Variants in TJP3 observed in about 807,000 individuals in gnomAD.
TJP3 encodes the protein tight junction protein 3, also known as tight junction protein ZO-3.
A neutral mutation model predicts 104.2 loss-of-function variants in TJP3; 85 were observed. That is an observed-to-expected ratio of 0.82 (90% CI 0.68 to 0.98). The LOEUF is 0.98. Among genes scored for constraint, TJP3 ranks in the 50% least tolerant of loss-of-function variants. The pLI is 0.00. For missense variants in TJP3, 1,367 were observed against 1,322.8 expected, an observed-to-expected ratio of 1.03 and a Z score of -0.52; for synonymous variants, 550 against 550.6, an observed-to-expected ratio of 1.00 and a Z score of 0.02.
rs749057897 is a variant in TJP3 at position 3,730,208 on chromosome 19, T to G, written c.261+78T>G. 1.7e-5 allele frequency: 26 copies of G among 1,550,626 alleles called. No homozygotes were observed. In the African/African-American group the frequency reaches 3.1e-4, roughly 19 times the overall value. ...TGCCGCTGTGGGGGTTGTAAGCTTC[T>G]GAGAGCAAGGAGTCATCTTCTCATC... On this transcript the variant is annotated intron_variant, in intron 4 of 20. Coordinates refer to ENST00000541714, the MANE Select transcript of TJP3 (RefSeq NM_001267560.2). The surrounding 1 kb of genome is among the most constrained non-coding windows in gnomAD (Gnocchi z 7.3).
At chr19:3,741,864 G>T (rs1392346614) in intron 14 of TJP3, among the ~76,000 whole-genome samples, 1 of 151,750 alleles carries the variant, frequency 6.6e-6, no homozygotes, top group Non-Finnish European at 1.5e-5. Context: ...CAGCTACTTG[G>T]GAGGCTGAGG....
At chr19:3,711,956 G>T (rs1442687467) in intron 1 of TJP3, among the ~76,000 whole-genome samples, 1 of 151,620 alleles carries the variant, frequency 6.6e-6, no homozygotes, top group Non-Finnish European at 1.5e-5. Flanking sequence ...AAAGTGCTGG[G>T]ATTTCAAGCG....
At chr19:3,716,089 T>C (rs1359077073) in intron 1 of TJP3, among the ~76,000 whole-genome samples, 1 of 147,886 alleles carries the variant, frequency 6.8e-6, no homozygotes, top group Non-Finnish European at 1.5e-5. Flanking sequence ...TGTTTTATTT[T>C]TGAGATGGAG....
At chr19:3,713,539 C>G (rs1599140701) in intron 1 of TJP3, among the ~76,000 whole-genome samples, 1 of 152,056 alleles carries the variant, frequency 6.6e-6, no homozygotes, top group East Asian at 1.9e-4. Context: ...AAAGGGCCTG[C>G]GGAGAGACGT....
rs375489474 is a variant in TJP3, at chr19:3,731,986, C to T, written c.665C>T (p.Ser222Leu). 1.9e-6 allele frequency: 3 copies of T among 1,613,680 alleles called. No homozygotes were observed. The highest frequency in any genetic ancestry group is 2.5e-6 in the Non-Finnish European group (3 of 1,179,874). ...SQIFIKHITD[S>L]GLAARHRGLQ... is the part of the protein sequence containing the mutation. ...ATCTTCATCAAGCACATTACAGATT[C>T]GGGCCTGGCTGCCCGGCACCGTGGG... The change falls in exon 6 of 21, where the codon TCG becomes TTG. Residue 222 changes from serine (S) to leucine (L), a missense_variant. Coordinates refer to ENST00000541714, the MANE Select transcript of TJP3 (RefSeq NM_001267560.2).
intron 8 of TJP3, 105 bp downstream of exon 8, chr19:3,734,540 G>A (rs2036714908): frequency 7.0e-6 from 7 of 1,006,242 alleles, no homozygotes; most frequent in East Asian, 5.3e-5. Flanking sequence ...CCTTGAGGAC[G>A]CAGTCCTGTA....
rs1349154396 is a variant in TJP3 at position 3,730,122 on chromosome 19, G to A, written c.253G>A (p.Ala85Thr). ...GATACTCAAGACCTGCACCAAGATGGCCAACATCGTGAGTAGGCAGCCCCT... is the reference window on the plus strand; with the variant it reads ...GATACTCAAGACCTGCACCAAGATGACCAACATCGTGAGTAGGCAGCCCCT... ...IQILKTCTKM[A>T]NITVKRPRRI... Residue 85 changes from alanine to threonine, a missense_variant, in exon 4 of 21, where the codon GCC becomes ACC. Ala to Thr is a moderately conservative substitution (Grantham distance 58, BLOSUM62 0). Transcript: ENST00000541714. This position sits in a 1 kb window ranked among gnomAD's most constrained non-coding sequence, Gnocchi z 7.3. 4 of 1,613,960 alleles carry A rather than the reference G, an allele frequency of 2.5e-6. No individual in the cohort carries two copies. The African/African-American group carries it at 5.3e-5, about 22-fold the overall frequency.
At chr19:3,715,761 TA>T (rs1228893335) in intron 1 of TJP3, among the ~76,000 whole-genome samples, 2 of 152,138 alleles carry the variant, frequency 1.3e-5, no homozygotes, top group Non-Finnish European at 1.5e-5. Flanking sequence ...CTTCCAGGTT[TA>T]TTTTTTTATT....
chr19:3,743,812 C>G, intron 14 of TJP3, 127 bp from the exon 15 acceptor site: 1 of 788,718 alleles, frequency 1.3e-6, no homozygotes, highest in South Asian at 1.7e-5. Context: ...TAGTATTTGG[C>G]TGGGTAGCTA....
chr19:3,750,510 C>A, intron 20 of TJP3, 72 bp from the exon 21 acceptor site: 1 of 1,325,464 alleles, frequency 7.5e-7, no homozygotes, highest in Non-Finnish European at 1.1e-6. Context: ...CTAGCACAGC[C>A]AGCCTCAGTT....
At chr19:3,721,509 C>A (rs1448725710) in intron 1 of TJP3, 1 of 168,718 alleles carries the variant, frequency 5.9e-6, no homozygotes, top group African/African-American at 2.4e-5. Context: ...CCGTTCCAAG[C>A]GCGGGGGTTA....
intron 1 of TJP3, among the ~76,000 whole-genome samples, chr19:3,719,330 T>G (rs1383194275): frequency 6.6e-6 from 1 of 152,082 alleles, no homozygotes; most frequent in East Asian, 1.9e-4. Context: ...TTAATGGTGT[T>G]TCTACATTGG....
At chr19:3,716,839 G>C (rs536974123) in intron 1 of TJP3, among the ~76,000 whole-genome samples, 1 of 124,388 alleles carries the variant, frequency 8.0e-6, no homozygotes, top group Non-Finnish European at 1.7e-5. Context: ...TCAGTCTGTC[G>C]CCCAGGTTGG....
At chr19:3,735,709 G>A in intron 9 of TJP3, 70 bp downstream of exon 9, 1 of 1,605,490 alleles carries the variant, frequency 6.2e-7, no homozygotes, top group Admixed American at 1.7e-5. Context: ...GTGCCAGGCA[G>A]AGCTGGGGGA....
chr19:3,713,293 C>T (rs1454033630), intron 1 of TJP3, among the ~76,000 whole-genome samples: 3 of 152,212 alleles, frequency 2.0e-5, no homozygotes, highest in Non-Finnish European at 4.4e-5. Flanking sequence ...GTCCTCTCCA[C>T]ACGGCTTCCT....
intron 20 of TJP3, 89 bp from the exon 21 acceptor site, chr19:3,750,493 A>C: frequency 2.6e-6 from 3 of 1,155,670 alleles, no homozygotes; most frequent in Non-Finnish European, 3.8e-6. Flanking sequence ...GCCCACACCC[A>C]CTGTGCCTAG....
At chr19:3,745,798 C>T (rs2036879430) in intron 15 of TJP3, among the ~76,000 whole-genome samples, 1 of 152,222 alleles carries the variant, frequency 6.6e-6, no homozygotes, top group Admixed American at 6.5e-5. Context: ...CAGCCACCCA[C>T]TCCTCAGGAG....
intron 1 of TJP3, among the ~76,000 whole-genome samples, chr19:3,718,235 GT>G (rs1477022510): frequency 7.7e-6 from 1 of 129,556 alleles, no homozygotes; most frequent in African/African-American, 2.9e-5. Flanking sequence ...GTGTGTGTGT[GT>G]GTGTGTGTGT....
At position 3,727,605 on chromosome 19, in the gene TJP3, G is replaced by T. The variant is rs141751735; in HGVS notation, c.-9-819G>T. The stretch of plus-strand genomic sequence containing the variant: ...CTTGAATCCCTGCTGCAACTCAGGC[G>T]CTGTTCTAGGCAGGGAACTGAGGGC... On this transcript the variant is annotated intron_variant, in intron 1 of 20. Transcript: ENST00000541714. Among the ~76,000 whole-genome samples the T allele has an allele frequency of 2.0e-5, 3 of 152,036 alleles. No individual in the cohort carries two copies. The South Asian group carries it at 6.2e-4, about 31-fold the overall frequency.
Sources: gnomAD v4.1 joint callset for allele counts (sites outside exome capture counted in the v4.1 genomes callset) on GRCh38, gnomAD v4.1.1 for gene constraint, Gnocchi (gnomAD v3.1) non-coding constraint, MANE v1.5 for transcripts, NCBI Gene and HGNC (gene_info 2026-07-23, HGNC 2026-07-21) for gene names.